The following LMLN variants were observed in gnomAD, a reference collection of about 807,000 sequenced individuals.
The protein encoded by LMLN is leishmanolysin-like peptidase.
Under a neutral mutation model 92.3 loss-of-function variants are expected in LMLN, and 70 were observed. That is an observed-to-expected ratio of 0.76 (90% CI 0.63 to 0.92). The LOEUF is 0.92. LMLN is among the 40% of genes least tolerant of loss of function. The pLI, the probability that LMLN is intolerant of heterozygous loss-of-function variation, is 0.00. For missense variants in LMLN, 691 were observed against 814.6 expected (o/e 0.85, Z 1.85); for synonymous variants, 308 against 296.2 (o/e 1.04, Z -0.41).
At chr3:197,986,026 CA>C in intron 8 of LMLN, 136 bp downstream of exon 8, 1 of 599,694 alleles carries the variant, frequency 1.7e-6, no homozygotes, top group Non-Finnish European at 2.9e-6. Context: ...GATATTAAAA[CA>C]AAATGGGATA....
chr3:197,996,272 G>T, exon 10 of LMLN: 1 of 1,559,466 alleles, frequency 6.4e-7, no homozygotes, highest in Non-Finnish European at 8.7e-7. Flanking sequence ...TGGGAAAAAA[G>T]GTTATTAGAG....
At chr3:198,029,457 A>C (rs1024024399) in intron 14 of LMLN, among the ~76,000 whole-genome samples, 1 of 152,122 alleles carries the variant, frequency 6.6e-6, no homozygotes, top group African/African-American at 2.4e-5. Context: ...CTAACACTTG[A>C]GGTCAGGAGT....
intron 11 of LMLN, among the ~76,000 whole-genome samples, chr3:198,013,987 T>G: frequency 5.5e-5 from 2 of 36,270 alleles, no homozygotes; most frequent in South Asian, 9.4e-4. Context: ...CTCCACCCTT[T>G]AGAGCCCCCT....
chr3:197,997,163 C>T (rs1299797175), intron 10 of LMLN, among the ~76,000 whole-genome samples: 3 of 150,822 alleles, frequency 2.0e-5, no homozygotes, highest in Non-Finnish European at 4.4e-5. Flanking sequence ...CTGTCTCACT[C>T]CACTTGGTCA....
At chr3:197,974,559 A>T in intron 2 of LMLN, 85 bp downstream of exon 2, 3 of 690,024 alleles carry the variant, frequency 4.3e-6, no homozygotes, top group Non-Finnish European at 7.0e-6. Context: ...AGTTCTAAGA[A>T]TCCATAGATA....
chr3:198,040,103 G>A (rs763836295), exon 16 of LMLN: 1 of 152,192 alleles, frequency 6.6e-6, no homozygotes, highest in Non-Finnish European at 1.5e-5. Flanking sequence ...AATGGGTTAA[G>A]AAATTGTTGC....
chr3:198,017,026 G>A (rs1722658655), intron 11 of LMLN, among the ~76,000 whole-genome samples: 1 of 152,120 alleles, frequency 6.6e-6, no homozygotes, highest in Non-Finnish European at 1.5e-5. Context: ...GGAGGCTGAG[G>A]TGGGAGGATT....
chr3:197,992,898 A>C (rs1219879369), intron 9 of LMLN, among the ~76,000 whole-genome samples: 3 of 152,192 alleles, frequency 2.0e-5, no homozygotes, highest in Admixed American at 1.3e-4. Flanking sequence ...AGATACTAAC[A>C]AGCTGAATTC....
chr3:197,989,578 A>G (rs973075643), intron 8 of LMLN, among the ~76,000 whole-genome samples: 9 of 152,196 alleles, frequency 5.9e-5, no homozygotes, highest in African/African-American at 2.2e-4. Flanking sequence ...TATCCTGTAC[A>G]CTTGTCAAAA....
At chr3:198,010,524 C>T (rs147859406) in intron 11 of LMLN, among the ~76,000 whole-genome samples, 20 of 152,204 alleles carry the variant, frequency 1.3e-4, no homozygotes, top group Non-Finnish European at 2.2e-4. Context: ...TCATGAGGCT[C>T]ACTGCAGCCT....
intron 12 of LMLN, among the ~76,000 whole-genome samples, chr3:198,020,810 G>A (rs868450890): frequency 2.4e-4 from 28 of 115,238 alleles, no homozygotes; most frequent in South Asian, 1.6e-3. Flanking sequence ...TAGTAGAGAC[G>A]GGGTTTCACT....
intron 11 of LMLN, among the ~76,000 whole-genome samples, chr3:198,000,097 G>C (rs1215871131): frequency 6.6e-6 from 1 of 151,814 alleles, no homozygotes; most frequent in Non-Finnish European, 1.5e-5. Context: ...TCACTCTATT[G>C]CCCAGGCTGG....
chr3:198,035,015 C>G (rs1264530244), intron 14 of LMLN, among the ~76,000 whole-genome samples: 1 of 151,936 alleles, frequency 6.6e-6, no homozygotes, highest in Non-Finnish European at 1.5e-5. Flanking sequence ...GGCAACATGA[C>G]AAAACCCAAA....
At chr3:197,964,546 A>G (rs1052108338) in intron 1 of LMLN, among the ~76,000 whole-genome samples, 6 of 151,582 alleles carry the variant, frequency 4.0e-5, no homozygotes, top group African/African-American at 1.5e-4. Context: ...CTACAGGTGC[A>G]CGCCACCACA....
intron 8 of LMLN, among the ~76,000 whole-genome samples, chr3:197,987,478 A>G (rs560249633): frequency 6.6e-6 from 1 of 152,182 alleles, no homozygotes; most frequent in South Asian, 2.1e-4. Flanking sequence ...ACAAAACAGT[A>G]TTGGAAAAGA....
intron 4 of LMLN, 65 bp from the exon 5 acceptor site, chr3:197,976,533 G>A: frequency 1.1e-6 from 1 of 902,806 alleles, no homozygotes; most frequent in Non-Finnish European, 1.7e-6. Flanking sequence ...TGGTTTCCAT[G>A]TTTTTAACTG....
chr3:197,970,149 C>T (rs551221805), intron 1 of LMLN, among the ~76,000 whole-genome samples: 47 of 151,130 alleles, frequency 3.1e-4, no homozygotes, highest in African/African-American at 1.1e-3. Flanking sequence ...GAGACTGTCT[C>T]AAAAAAACCC....
In LMLN at chr3:197,980,516, T is replaced by C; in HGVS notation, c.728+12T>C. 3 of 1,605,994 alleles carry C rather than the reference T, an allele frequency of 1.9e-6. No individual in the cohort carries two copies. Among genetic ancestry groups the C allele is most frequent in the Non-Finnish European group, 2.6e-6 (3 of 1,174,726 alleles). ...GCAAACATGGACAGGTAATCTTTCC[T>C]CCGGGACTTAGTTTCCAAGATCTAA... On this transcript the variant is annotated intron_variant, in intron 6 of 15. Transcript: ENST00000330198.
chr3:197,961,783 G>C (rs1051188652), intron 1 of LMLN, among the ~76,000 whole-genome samples: 4 of 152,062 alleles, frequency 2.6e-5, no homozygotes, highest in African/African-American at 9.7e-5. Context: ...GGTGGTGTTG[G>C]GGAGCTACAA....
Sources: allele counts gnomAD v4.1 joint callset (sites outside exome capture counted in the v4.1 genomes callset), GRCh38; gene constraint gnomAD v4.1.1; transcripts MANE v1.5; gene names NCBI Gene and HGNC (gene_info 2026-07-23, HGNC 2026-07-21).